Variants in TAF4B observed in about 807,000 individuals in gnomAD.
TAF4B encodes the protein transcription initiation factor TFIID subunit 4B.
A neutral mutation model predicts 86.4 loss-of-function variants in TAF4B; 38 were observed. The observed-to-expected ratio is 0.44, with a 90% CI of 0.34 to 0.58. The LOEUF (loss-of-function observed/expected upper bound fraction) is 0.58. TAF4B is among the 20% of genes least tolerant of loss of function. TAF4B has a pLI of 0.02. For missense variants in TAF4B, 988 were observed against 1,027.6 expected (o/e 0.96, Z 0.53); for synonymous variants, 388 against 391.2 (o/e 0.99, Z 0.10).
intron 1 of TAF4B, among the ~76,000 whole-genome samples, chr18:26,254,437 C>T (rs1296938886): frequency 6.6e-6 from 1 of 152,068 alleles, no homozygotes; most frequent in Non-Finnish European, 1.5e-5. Context: ...ACCCATTCTA[C>T]ACAGATAAAA....
chr18:26,320,901 T>C (rs921322168), intron 10 of TAF4B, among the ~76,000 whole-genome samples, 169 bp from the exon 11 acceptor site: 1 of 152,190 alleles, frequency 6.6e-6, no homozygotes, highest in South Asian at 2.1e-4. Context: ...GTTTTATTAA[T>C]GTAATGTCTA....
intron 9 of TAF4B, among the ~76,000 whole-genome samples, chr18:26,310,830 A>G (rs1395977493): frequency 6.6e-6 from 1 of 151,970 alleles, no homozygotes; most frequent in Admixed American, 6.6e-5. Flanking sequence ...TGTTCTAAGT[A>G]TAGTATTTTT....
chr18:26,375,878 T>C (rs2057439366), intron 14 of TAF4B, among the ~76,000 whole-genome samples: 1 of 152,192 alleles, frequency 6.6e-6, no homozygotes, highest in South Asian at 2.1e-4. Context: ...AGTTAATTTT[T>C]GTATATGGCG....
intron 5 of TAF4B, among the ~76,000 whole-genome samples, chr18:26,279,037 A>G (rs940014188): frequency 6.6e-6 from 1 of 151,856 alleles, no homozygotes; most frequent in Non-Finnish European, 1.5e-5. Context: ...GCAGTCAGGC[A>G]AGAGAAAGAA....
At chr18:26,320,213 A>G (rs372868834) in intron 10 of TAF4B, among the ~76,000 whole-genome samples, 2 of 152,240 alleles carry the variant, frequency 1.3e-5, no homozygotes, top group Non-Finnish European at 2.9e-5. Flanking sequence ...GTTAAAAACA[A>G]TCACAGTAGT....
At chr18:26,350,495 C>A (rs1398186199) in intron 13 of TAF4B, among the ~76,000 whole-genome samples, 2 of 152,068 alleles carry the variant, frequency 1.3e-5, no homozygotes, top group Admixed American at 6.6e-5. Context: ...AACATAGAGA[C>A]CCCGTCTCTA....
chr18:26,276,268 A>C (rs1377700373), intron 5 of TAF4B, among the ~76,000 whole-genome samples: 1 of 152,094 alleles, frequency 6.6e-6, no homozygotes, highest in Non-Finnish European at 1.5e-5. Flanking sequence ...TTTAGCTACC[A>C]AATTATATGC....
chr18:26,335,091 A>G (rs2057080050), intron 12 of TAF4B, 84 bp from the exon 13 acceptor site: 1 of 999,600 alleles, frequency 1.0e-6, no homozygotes, highest in African/African-American at 1.6e-5. Flanking sequence ...CACAAGAGAA[A>G]ATTGTCATTT....
intron 2 of TAF4B, chr18:26,266,210 A>G (rs1436789915): frequency 6.6e-6 from 1 of 151,918 alleles, no homozygotes; most frequent in Non-Finnish European, 1.5e-5. Flanking sequence ...CCTCCCAGGT[A>G]CAAGTGATTC....
At chr18:26,249,170 C>CAA (rs796850643) in intron 1 of TAF4B, among the ~76,000 whole-genome samples, 7 of 112,894 alleles carry the variant, frequency 6.2e-5, no homozygotes, top group South Asian at 3.1e-4. Flanking sequence ...GACTCCATAT[C>CAA]AAAAAAAAAA....
At chr18:26,306,370 A>G (rs1382416616) in intron 9 of TAF4B, among the ~76,000 whole-genome samples, 3 of 152,182 alleles carry the variant, frequency 2.0e-5, no homozygotes, top group Non-Finnish European at 4.4e-5. Flanking sequence ...ACCAACATAA[A>G]GTAGCTTCCA....
In TAF4B at chr18:26,379,338, T is replaced by C. The variant is rs142107092; in HGVS notation, c.2422-10507T>C. 5.9e-5 allele frequency among the ~76,000 whole-genome samples: 9 copies of C among 152,260 alleles called. No individual in the cohort carries two copies. The East Asian group carries it at 1.7e-3, about 29-fold the overall frequency. ...CTAGAAGCTTTATAGTTTTAACTTT[T>C]ATGTTATAGGTCTTTGATCTATCTT... On this transcript the variant is annotated intron_variant, in intron 14 of 14. Transcript: ENST00000269142.
chr18:26,246,325 T>A (rs1378770092), intron 1 of TAF4B, among the ~76,000 whole-genome samples: 1 of 152,148 alleles, frequency 6.6e-6, no homozygotes, highest in African/African-American at 2.4e-5. Flanking sequence ...TGATACATAG[T>A]TGTCTAGAAA....
At chr18:26,323,505 G>A (rs76030191) in intron 11 of TAF4B, among the ~76,000 whole-genome samples, 12,001 of 146,366 alleles carry the variant, frequency 0.082, 589 homozygotes, top group Non-Finnish European at 0.11. Context: ...ACTAACAGGC[G>A]TGTGCCACCA....
chr18:26,381,745 A>G (rs1185348700), intron 14 of TAF4B, among the ~76,000 whole-genome samples: 1 of 151,544 alleles, frequency 6.6e-6, no homozygotes, highest in African/African-American at 2.4e-5. Context: ...AAATAAATAA[A>G]TAAATAAATA....
intron 1 of TAF4B, among the ~76,000 whole-genome samples, chr18:26,254,861 ATTACTTTC>A (rs1330962470): frequency 6.6e-6 from 1 of 152,202 alleles, no homozygotes; most frequent in East Asian, 1.9e-4. Context: ...ATATTTAGAA[ATTACTTTC>A]TCCTCCAAGG....
intron 11 of TAF4B, among the ~76,000 whole-genome samples, chr18:26,324,750 G>A (rs1055935595): frequency 1.3e-5 from 2 of 152,102 alleles, no homozygotes; most frequent in Admixed American, 6.6e-5. Context: ...TACAGCTAAT[G>A]CCACTGTCTA....
chr18:26,279,564 A>G (rs1311407832), intron 5 of TAF4B, among the ~76,000 whole-genome samples: 1 of 151,586 alleles, frequency 6.6e-6, no homozygotes, highest in Admixed American at 6.6e-5. Flanking sequence ...AAAAAAAACA[A>G]CAACAACAAA....
intron 14 of TAF4B, among the ~76,000 whole-genome samples, chr18:26,367,741 A>G (rs1382983413): frequency 1.3e-5 from 2 of 152,092 alleles, no homozygotes; most frequent in Non-Finnish European, 2.9e-5. Flanking sequence ...CATTTAGAAT[A>G]TTTTCACTTG....
Sources: allele counts gnomAD v4.1 joint callset (sites outside exome capture counted in the v4.1 genomes callset), GRCh38; gene constraint gnomAD v4.1.1; transcripts MANE v1.5; gene names NCBI Gene and HGNC (gene_info 2026-07-23, HGNC 2026-07-21).